The following SLC24A2 variants were observed in gnomAD, a reference collection of about 807,000 sequenced individuals.
SLC24A2 encodes the protein solute carrier family 24 member 2.
A neutral mutation model predicts 62.0 loss-of-function variants in SLC24A2; 36 were observed. That is an observed-to-expected ratio of 0.58 (90% CI 0.44 to 0.77). The LOEUF (loss-of-function observed/expected upper bound fraction) is 0.77, where lower values mean the gene tolerates loss of function less well. Among genes scored for constraint, SLC24A2 ranks in the 30% least tolerant of loss-of-function variants. SLC24A2 has a pLI of 0.00. For missense variants in SLC24A2, 846 were observed against 817.9 expected (o/e 1.03, Z -0.42); for synonymous variants, 358 against 294.0 (o/e 1.22, Z -2.23).
chr9:19,752,592 G>A (rs1822018447), intron 2 of SLC24A2, among the ~76,000 whole-genome samples: 1 of 132,734 alleles, frequency 7.5e-6, no homozygotes, highest in Non-Finnish European at 1.7e-5. Context: ...AACTCACCGA[G>A]CCTCAGTTTC....
the SLC24A2 span, among the ~76,000 whole-genome samples, chr9:20,073,688 C>G: frequency 4.6e-5 from 7 of 151,832 alleles, no homozygotes; most frequent in Admixed American, 2.6e-4. Flanking sequence ...ACTCATTCAC[C>G]ATTTCCATTT....
intron 4 of SLC24A2, among the ~76,000 whole-genome samples, chr9:19,609,300 A>G (rs78677839): frequency 0.014 from 2,113 of 152,336 alleles, 22 homozygotes; most frequent in African/African-American, 0.025. Flanking sequence ...CACCAAGAGC[A>G]GTTAGTGAAT....
the SLC24A2 span, among the ~76,000 whole-genome samples, chr9:20,268,175 C>G: frequency 6.6e-6 from 1 of 152,208 alleles, no homozygotes; most frequent in Non-Finnish European, 1.5e-5. Flanking sequence ...CTCCCTCTCA[C>G]GCTCAGGTGT....
chr9:19,795,217 T>A, the SLC24A2 span, among the ~76,000 whole-genome samples: 2 of 152,174 alleles, frequency 1.3e-5, no homozygotes, highest in Non-Finnish European at 2.9e-5. Flanking sequence ...GTGGGCGTAG[T>A]GGGCTGGGGA....
chr9:19,892,773 G>T, the SLC24A2 span, among the ~76,000 whole-genome samples: 4 of 151,984 alleles, frequency 2.6e-5, no homozygotes, highest in East Asian at 7.7e-4. Flanking sequence ...AGCTTGGCGA[G>T]AACAAGAGTG....
the SLC24A2 span, among the ~76,000 whole-genome samples, chr9:20,283,742 G>A: frequency 1.6e-5 from 2 of 122,712 alleles, no homozygotes; most frequent in Non-Finnish European, 1.7e-5. Context: ...GGAGAAAAGA[G>A]AAAAAAAAAG....
At chr9:20,041,050 G>C in the SLC24A2 span, among the ~76,000 whole-genome samples, 2 of 152,148 alleles carry the variant, frequency 1.3e-5, no homozygotes, top group Non-Finnish European at 1.5e-5. Flanking sequence ...TTAGGACATC[G>C]ACTTTCTTTT....
At chr9:19,967,081 A>G in the SLC24A2 span, among the ~76,000 whole-genome samples, 2 of 152,266 alleles carry the variant, frequency 1.3e-5, no homozygotes, top group African/African-American at 4.8e-5. Flanking sequence ...AAATTAACAT[A>G]TATATTTACC....
the SLC24A2 span, among the ~76,000 whole-genome samples, chr9:20,024,369 A>G: frequency 6.6e-6 from 1 of 152,180 alleles, no homozygotes; most frequent in Non-Finnish European, 1.5e-5. Flanking sequence ...ACACACACAC[A>G]TAGGCAGTGG....
chr9:19,924,164 A>G, the SLC24A2 span, among the ~76,000 whole-genome samples: 1 of 152,194 alleles, frequency 6.6e-6, no homozygotes, highest in Non-Finnish European at 1.5e-5. Flanking sequence ...ATGGATATAT[A>G]CCCAGTTGGT....
the SLC24A2 span, among the ~76,000 whole-genome samples, chr9:19,827,809 A>G: frequency 6.6e-6 from 1 of 152,150 alleles, no homozygotes; most frequent in Non-Finnish European, 1.5e-5. Context: ...CTACTTTAAA[A>G]TGTCCTACTG....
chr9:20,163,067 G>A, the SLC24A2 span, among the ~76,000 whole-genome samples: 1 of 152,090 alleles, frequency 6.6e-6, no homozygotes, highest in South Asian at 2.1e-4. Flanking sequence ...TTGAAAACTG[G>A]CAGAAGACAG....
the SLC24A2 span, among the ~76,000 whole-genome samples, chr9:19,823,175 A>G: frequency 6.6e-6 from 1 of 152,162 alleles, no homozygotes; most frequent in African/African-American, 2.4e-5. Context: ...CACAGGTAAG[A>G]TAATGGTATT....
chr9:19,624,386 G>T (rs1817982066), intron 2 of SLC24A2, among the ~76,000 whole-genome samples: 1 of 152,076 alleles, frequency 6.6e-6, no homozygotes, highest in Non-Finnish European at 1.5e-5. Context: ...GTCACCAGCT[G>T]AGAGTTTGAA....
chr9:19,661,738 C>CA (rs981531917), intron 2 of SLC24A2, among the ~76,000 whole-genome samples: 3 of 152,086 alleles, frequency 2.0e-5, no homozygotes, highest in Admixed American at 1.3e-4. Context: ...CAGCCCTTGA[C>CA]AAAAAACCAT....
At chr9:19,909,827 A>T in the SLC24A2 span, among the ~76,000 whole-genome samples, 13 of 152,158 alleles carry the variant, frequency 8.5e-5, no homozygotes, top group East Asian at 2.5e-3. Context: ...AGAGTGGTGT[A>T]TATTGGGGTG....
the SLC24A2 span, among the ~76,000 whole-genome samples, chr9:20,289,996 C>A: frequency 2.6e-5 from 4 of 152,158 alleles, no homozygotes; most frequent in Non-Finnish European, 4.4e-5. Context: ...GGCTGGGATG[C>A]GCACTCCTTA....
chr9:20,304,512 A>T, the SLC24A2 span, among the ~76,000 whole-genome samples: 1 of 152,360 alleles, frequency 6.6e-6, no homozygotes, highest in East Asian at 1.9e-4. Context: ...TTGGTATTTT[A>T]TATAAAACAC....
intron 2 of SLC24A2, among the ~76,000 whole-genome samples, chr9:19,760,237 T>C (rs1450082231): frequency 6.6e-6 from 1 of 152,126 alleles, no homozygotes; most frequent in African/African-American, 2.4e-5. Flanking sequence ...TCCATTTGTG[T>C]GCAGGATCCC....
Sources: gnomAD v4.1 joint callset for allele counts (sites outside exome capture counted in the v4.1 genomes callset) on GRCh38, gnomAD v4.1.1 for gene constraint, MANE v1.5 for transcripts, NCBI Gene and HGNC (gene_info 2026-07-23, HGNC 2026-07-21) for gene names.